The following TOMM5 variants were observed in gnomAD, a reference collection of about 807,000 sequenced individuals.
The protein encoded by TOMM5 is mitochondrial import receptor subunit TOM5 homolog.
A neutral mutation model predicts 4.8 loss-of-function variants in TOMM5; 1 was observed. That is an observed-to-expected ratio of 0.21 (90% CI 0.07 to 0.99). The LOEUF (loss-of-function observed/expected upper bound fraction) is 0.99. TOMM5 is among the 50% of genes least tolerant of loss of function. The pLI is 0.60. For missense variants in TOMM5, 60 were observed against 66.6 expected, an observed-to-expected ratio of 0.90 and a Z score of 0.35; for synonymous variants, 26 against 26.7, an observed-to-expected ratio of 0.97 and a Z score of 0.08.
intron 1 of TOMM5, 102 bp downstream of exon 1, chr9:37,592,310 C>G: frequency 6.3e-7 from 1 of 1,583,002 alleles, no homozygotes; most frequent in Non-Finnish European, 8.6e-7. Flanking sequence ...TCCCCGCTAC[C>G]GTTCAGCTCA....
Position 37,588,894 on chromosome 9 carries a change from G to A in TOMM5, c.*4C>T, listed in dbSNP as rs1253022798. 22 of 1,613,710 alleles carry A rather than the reference G, an allele frequency of 1.4e-5. 1 individual carries two copies. Among genetic ancestry groups the A allele is most frequent in the Non-Finnish European group, 1.9e-5 (22 of 1,179,768 alleles). On this transcript the variant is annotated 3_prime_UTR_variant, in exon 2 of 2. Transcript: ENST00000321301. ...ATCGTGCATTCATATGTGATGTCCT[G>A]TCTTCATATGCTGTCCAATTTCTTT... is the stretch of plus-strand genomic sequence containing the variant.
chr9:37,590,798 G>T (rs182527443), intron 1 of TOMM5, among the ~76,000 whole-genome samples: 1 of 152,292 alleles, frequency 6.6e-6, no homozygotes, highest in Admixed American at 6.5e-5. Context: ...GGGTGTTTCT[G>T]TTCCCCAAGA....
In TOMM5 at chr9:37,592,524, C is replaced by T. The variant is rs1347981548; in HGVS notation, c.9G>A (p.Arg3=). ...CCAGCTTCGGCGCGAGGCCCTCAATCCGGAACATCGCGGCTCTGACTTAGC... is the reference window on the plus strand; with the variant it reads ...CCAGCTTCGGCGCGAGGCCCTCAATTCGGAACATCGCGGCTCTGACTTAGC... MF[R]IEGLAPKLDP... is the part of the protein sequence containing the mutation. Residue 3 remains arginine (R), a synonymous_variant, in exon 1 of 2, where the codon CGG becomes CGA. Coordinates refer to ENST00000321301, the MANE Select transcript of TOMM5 (RefSeq NM_001001790.3). The T allele has an allele frequency of 6.2e-7, 1 of 1,612,988 alleles. No homozygotes were observed. Among genetic ancestry groups the T allele is most frequent in the East Asian group, 2.2e-5 (1 of 44,864 alleles).
rs1316847058 is a variant in TOMM5 at position 37,588,785 on chromosome 9, T to G, written c.*113A>C. ...AAACTTGTTCTTAACAAGCAGAATT[T>G]TATGTCCATTCAAAGAGTCTCTTAC... On this transcript the variant is annotated 3_prime_UTR_variant, in exon 2 of 2. Transcript: ENST00000321301. The G allele has an allele frequency of 3.7e-6, 4 of 1,072,732 alleles. No homozygotes were observed. The highest frequency in any genetic ancestry group is 1.5e-5 in the African/African-American group (1 of 64,562). 66.5% of individuals were successfully genotyped at this position (1,072,732 alleles called of 1,614,324 possible).
At chr9:37,591,249 GA>G (rs78059310) in intron 1 of TOMM5, among the ~76,000 whole-genome samples, 4 of 150,864 alleles carry the variant, frequency 2.7e-5, no homozygotes, top group African/African-American at 7.3e-5. Flanking sequence ...TTAAGATATA[GA>G]AAAAAAAACC....
At chr9:37,589,711 G>A (rs1047377618) in intron 1 of TOMM5, among the ~76,000 whole-genome samples, 1 of 151,808 alleles carries the variant, frequency 6.6e-6, no homozygotes, top group Admixed American at 6.6e-5. Context: ...TTTAAAAGAC[G>A]AGGTATCACC....
chr9:37,589,467 T>C (rs1191988450), intron 1 of TOMM5, among the ~76,000 whole-genome samples: 4 of 152,202 alleles, frequency 2.6e-5, no homozygotes, highest in Non-Finnish European at 5.9e-5. Flanking sequence ...AATAAGATCA[T>C]GTACATAGAA....
At chr9:37,589,142 T>C (rs28452870) in intron 1 of TOMM5, among the ~76,000 whole-genome samples, 232 of 152,374 alleles carry the variant, frequency 1.5e-3, no homozygotes, top group African/African-American at 5.0e-3. Context: ...TTCATTCTTA[T>C]ACTACATAAA....
At chr9:37,591,987 G>A (rs577383416) in intron 1 of TOMM5, among the ~76,000 whole-genome samples, 7 of 151,870 alleles carry the variant, frequency 4.6e-5, no homozygotes, top group Admixed American at 2.6e-4. Context: ...TCGCGATCTC[G>A]GCTCACTGCA....
chr9:37,591,432 T>C lies in TOMM5; in HGVS notation c.121+980A>G, dbSNP rs540861947. Among the ~76,000 whole-genome samples, 8 of 152,274 alleles carry C rather than the reference T, an allele frequency of 5.3e-5. No individual in the cohort carries two copies. In the South Asian group the frequency reaches 1.7e-3, roughly 32 times the overall value. On this transcript the variant is annotated intron_variant, in intron 1 of 1. Coordinates refer to ENST00000321301, the MANE Select transcript of TOMM5 (RefSeq NM_001001790.3). ...AGGAACCCGGCCGCTGGTTCACGCC[T>C]GTAATCCCAGCACTTTGGGAGGCTG...
chr9:37,591,165 A>G (rs1823093837), intron 1 of TOMM5, among the ~76,000 whole-genome samples: 1 of 152,212 alleles, frequency 6.6e-6, no homozygotes. Context: ...AAAATGATAT[A>G]AAGAATCTTA....
chr9:37,591,649 G>A (rs1001649974), intron 1 of TOMM5, among the ~76,000 whole-genome samples: 11 of 150,272 alleles, frequency 7.3e-5, no homozygotes, highest in Non-Finnish European at 1.2e-4. Flanking sequence ...CCAAGACTGC[G>A]CCACTGCACT....
intron 1 of TOMM5, among the ~76,000 whole-genome samples, chr9:37,591,095 T>C (rs1478206766): frequency 6.6e-6 from 1 of 152,234 alleles, no homozygotes; most frequent in Non-Finnish European, 1.5e-5. Flanking sequence ...TCAGTGTTCC[T>C]ATAACTCTGA....
intron 1 of TOMM5, among the ~76,000 whole-genome samples, chr9:37,591,373 T>C (rs1823098163): frequency 6.6e-6 from 1 of 152,124 alleles, no homozygotes; most frequent in Non-Finnish European, 1.5e-5. Context: ...AGCAAAACTT[T>C]TTGGATTTCA....
At position 37,592,567 on chromosome 9, in the gene TOMM5, C is replaced by T; in HGVS notation, c.-35G>A. The T allele has an allele frequency of 6.2e-7, 1 of 1,600,866 alleles. No homozygotes were observed. The highest frequency in any genetic ancestry group is 1.1e-5 in the South Asian group (1 of 89,778). On this transcript the variant is annotated 5_prime_UTR_variant, in exon 1 of 2. Transcript: ENST00000321301. ...GACTTAGCAGCTTCCAGCCGCCGCG[C>T]TCTGCTCTCCACGGTGGCCGCCTCG...
chr9:37,589,171 T>G (rs1185138230), intron 1 of TOMM5, among the ~76,000 whole-genome samples: 1 of 152,260 alleles, frequency 6.6e-6, no homozygotes, highest in East Asian at 1.9e-4. Context: ...TCCAGATAGT[T>G]TGCCCCTTAG....
intron 1 of TOMM5, among the ~76,000 whole-genome samples, chr9:37,589,549 G>T (rs1823068947): frequency 6.6e-6 from 1 of 151,226 alleles, no homozygotes; most frequent in South Asian, 2.1e-4. Flanking sequence ...AAAGTGTTGT[G>T]ACCAAAAAAA....
At chr9:37,591,027 A>T (rs1823091689) in intron 1 of TOMM5, among the ~76,000 whole-genome samples, 1 of 152,232 alleles carries the variant, frequency 6.6e-6, no homozygotes, top group Non-Finnish European at 1.5e-5. Flanking sequence ...TACTGAATTG[A>T]GAACGAGAAG....
At chr9:37,588,973 T>G in intron 1 of TOMM5, 41 bp from the exon 2 acceptor site, 2 of 1,502,690 alleles carry the variant, frequency 1.3e-6, no homozygotes, top group Middle Eastern at 1.8e-4. Flanking sequence ...TCAAATCTAT[T>G]AGCCCATAGG....
Sources: allele counts gnomAD v4.1 joint callset (sites outside exome capture counted in the v4.1 genomes callset), GRCh38; gene constraint gnomAD v4.1.1; transcripts MANE v1.5; gene names NCBI Gene and HGNC (gene_info 2026-07-23, HGNC 2026-07-21).